The following RPRD2 variants were observed in gnomAD, a reference collection of about 807,000 sequenced individuals.
The protein encoded by RPRD2 is regulation of nuclear pre-mRNA domain containing 2, also known as regulation of nuclear pre-mRNA domain-containing protein 2.
A neutral mutation model predicts 104.4 loss-of-function variants in RPRD2; 12 were observed. That is an observed-to-expected ratio of 0.11 (90% CI 0.07 to 0.19). The LOEUF (loss-of-function observed/expected upper bound fraction) is 0.19. Among genes scored for constraint, RPRD2 ranks in the 10% least tolerant of loss-of-function variants. RPRD2 has a pLI of 1.00. For missense variants in RPRD2, 1,543 were observed against 1,790.1 expected, an observed-to-expected ratio of 0.86 and a Z score of 2.49; for synonymous variants, 714 against 684.9, an observed-to-expected ratio of 1.04 and a Z score of -0.66.
chr1:150,451,998 C>T (rs1370395558), intron 7 of RPRD2, among the ~76,000 whole-genome samples: 1 of 151,454 alleles, frequency 6.6e-6, no homozygotes, highest in Non-Finnish European at 1.5e-5. Flanking sequence ...AAAAATTAGC[C>T]AGGCATGGTG....
At chr1:150,459,954 A>T (rs1553898421) in intron 8 of RPRD2, 106 bp from the exon 9 acceptor site, 5 of 927,262 alleles carry the variant, frequency 5.4e-6, no homozygotes, top group African/African-American at 3.3e-5. Context: ...TCTCTAAAGT[A>T]GTGCCTTTTC....
At position 150,364,581 on chromosome 1, in the gene RPRD2, T is replaced by G. The variant is rs182042526; in HGVS notation, c.-134T>G. On this transcript the variant is annotated 5_prime_UTR_variant, in exon 1 of 11. Coordinates refer to ENST00000369068, the MANE Select transcript of RPRD2 (RefSeq NM_015203.5). ...CGTACCTCCAGAAGAGCCCAGCGCG[T>G]GCACCATCCCCACCCCCTAGCTTCC... is the stretch of plus-strand genomic sequence containing the variant. The G allele has an allele frequency of 3.5e-3, 2,129 of 603,172 alleles. 14 individuals carry two copies. Among genetic ancestry groups the G allele is most frequent in the Non-Finnish European group, 4.3e-3 (1,478 of 344,036 alleles). 37.4% of individuals were successfully genotyped at this position (603,172 alleles called of 1,614,324 possible).
chr1:150,409,710 G>A (rs1173062235), intron 1 of RPRD2, among the ~76,000 whole-genome samples: 5 of 148,246 alleles, frequency 3.4e-5, no homozygotes, highest in African/African-American at 1.0e-4. Flanking sequence ...GTGCAGTGGC[G>A]CAATCTTGGC....
intron 2 of RPRD2, among the ~76,000 whole-genome samples, chr1:150,436,556 G>A (rs587653326): frequency 2.2e-3 from 332 of 151,620 alleles, no homozygotes; most frequent in Non-Finnish European, 2.4e-3. Flanking sequence ...AGCCAAGATC[G>A]CCACTGCACT....
chr1:150,381,137 A>G (rs1334753228), intron 1 of RPRD2, among the ~76,000 whole-genome samples: 1 of 152,100 alleles, frequency 6.6e-6, no homozygotes, highest in Non-Finnish European at 1.5e-5. Flanking sequence ...AAAGTGCTGT[A>G]ATTGTCAGGG....
intron 1 of RPRD2, among the ~76,000 whole-genome samples, chr1:150,385,055 A>G (rs1661465034): frequency 6.6e-6 from 1 of 152,140 alleles, no homozygotes; most frequent in Non-Finnish European, 1.5e-5. Context: ...TGTACACATA[A>G]AAGCTACAAT....
At chr1:150,444,474 G>T in intron 6 of RPRD2, 97 bp downstream of exon 6, 1 of 1,260,342 alleles carries the variant, frequency 7.9e-7, no homozygotes, top group Non-Finnish European at 1.1e-6. Flanking sequence ...GAGATCCTTG[G>T]GTAGAAAGCA....
chr1:150,468,295 G>A (rs1028356749), intron 10 of RPRD2, among the ~76,000 whole-genome samples: 2 of 151,654 alleles, frequency 1.3e-5, no homozygotes, highest in Non-Finnish European at 1.5e-5. Context: ...TTTGAGACCA[G>A]CCTGGTCAAT....
At position 150,472,677 on chromosome 1, in the gene RPRD2, C is replaced by T; in HGVS notation, c.3729C>T (p.Pro1243=). Residue 1243 remains proline, a synonymous_variant, in exon 11 of 11, where the codon CCC becomes CCT. Coordinates refer to ENST00000369068, the MANE Select transcript of RPRD2 (RefSeq NM_015203.5). ...THLPSVDLSN[P]FTKEAALAHA... is the part of the protein sequence containing the mutation. ...TACCCTCTGTGGATCTTTCGAACCC[C>T]TTCACAAAGGAGGCAGCCCTGGCCC... 2 of 1,613,932 alleles carry T rather than the reference C, an allele frequency of 1.2e-6. No individual in the cohort carries two copies. The highest frequency in any genetic ancestry group is 4.5e-5 in the East Asian group (2 of 44,886).
intron 7 of RPRD2, among the ~76,000 whole-genome samples, chr1:150,450,900 C>T (rs1010973791): frequency 5.9e-5 from 9 of 152,090 alleles, no homozygotes; most frequent in South Asian, 2.1e-4. Context: ...CGTGAGCCAC[C>T]GTGCCCCTCC....
Position 150,384,468 on chromosome 1 carries a change from T to G in RPRD2, c.205+19549T>G, listed in dbSNP as rs921034209. Among the ~76,000 whole-genome samples the G allele has an allele frequency of 3.7e-5, 5 of 134,248 alleles. No individual in the cohort carries two copies. In the East Asian group the frequency reaches 1.1e-3, roughly 30 times the overall value. The allele number at this position is 134,248 out of a possible 152,430, so 88.1% of individuals were successfully genotyped here. Reference sequence around the variant, plus strand: ...TCATCATCATTATTATTATTATTATTATTATTATTATTATTATTATTATTA... The same window carrying G: ...TCATCATCATTATTATTATTATTATGATTATTATTATTATTATTATTATTA... On this transcript the variant is annotated intron_variant, in intron 1 of 10. Transcript: ENST00000369068.
At chr1:150,453,193 C>T (rs1269015357) in intron 7 of RPRD2, among the ~76,000 whole-genome samples, 1 of 152,068 alleles carries the variant, frequency 6.6e-6, no homozygotes, top group Non-Finnish European at 1.5e-5. Context: ...CCACCACGCC[C>T]AGCTAATTTT....
At chr1:150,400,136 C>T (rs1553885036) in intron 1 of RPRD2, among the ~76,000 whole-genome samples, 1 of 152,152 alleles carries the variant, frequency 6.6e-6, no homozygotes, top group Non-Finnish European at 1.5e-5. Flanking sequence ...CTTTCATGCT[C>T]TTATAAATGG....
intron 1 of RPRD2, among the ~76,000 whole-genome samples, chr1:150,382,554 T>TC (rs1176165123): frequency 1.3e-5 from 2 of 152,188 alleles, no homozygotes; most frequent in Non-Finnish European, 2.9e-5. Context: ...AGACGGGGTT[T>TC]CATCATGTTG....
intron 1 of RPRD2, among the ~76,000 whole-genome samples, chr1:150,388,493 C>CT (rs60455979): frequency 6.9e-6 from 1 of 144,998 alleles, no homozygotes; most frequent in East Asian, 2.1e-4. Context: ...ATATATATAC[C>CT]CGCGCACACA....
intron 2 of RPRD2, among the ~76,000 whole-genome samples, chr1:150,421,975 C>T (rs1217646705): frequency 5.3e-5 from 8 of 151,920 alleles, no homozygotes; most frequent in East Asian, 1.9e-4. Flanking sequence ...CAGAGCAAGA[C>T]GCTATCTCTT....
Position 150,371,935 on chromosome 1 carries a change from A to T in RPRD2, c.205+7016A>T, listed in dbSNP as rs1461552221. On this transcript the variant is annotated intron_variant, in intron 1 of 10. Transcript: ENST00000369068. ...TTTTGTTTTTTTCCCCCTCTGTGGCATAACTATCTCTTAGTGATTTGAAGT... is the reference window on the plus strand; with the variant it reads ...TTTTGTTTTTTTCCCCCTCTGTGGCTTAACTATCTCTTAGTGATTTGAAGT... Among the ~76,000 whole-genome samples, 3 of 152,104 alleles carry T rather than the reference A, an allele frequency of 2.0e-5. No homozygotes were observed. In the East Asian group the frequency reaches 5.8e-4, roughly 29 times the overall value.
chr1:150,413,189 A>G (rs1664070241), intron 1 of RPRD2, among the ~76,000 whole-genome samples: 1 of 152,072 alleles, frequency 6.6e-6, no homozygotes, highest in Non-Finnish European at 1.5e-5. Flanking sequence ...TGGGGACAAA[A>G]TTGGCTAGAG....
chr1:150,415,788 C>G (rs1664290475), intron 1 of RPRD2, among the ~76,000 whole-genome samples: 1 of 152,176 alleles, frequency 6.6e-6, no homozygotes, highest in Non-Finnish European at 1.5e-5. Flanking sequence ...AAGGATTACT[C>G]TTTAATAGGA....
Sources: allele counts gnomAD v4.1 joint callset (sites outside exome capture counted in the v4.1 genomes callset), GRCh38; gene constraint gnomAD v4.1.1; transcripts MANE v1.5; gene names NCBI Gene and HGNC (gene_info 2026-07-23, HGNC 2026-07-21).